Variants in PSD2 observed in about 807,000 individuals in gnomAD.
PSD2 encodes PH and SEC7 domain-containing protein 2.
A neutral mutation model predicts 69.8 loss-of-function variants in PSD2; 38 were observed. The observed-to-expected ratio is 0.54, with a 90% CI of 0.42 to 0.71. PSD2 has a LOEUF of 0.71. PSD2 is among the 30% of genes least tolerant of loss of function. The pLI, the probability that PSD2 is intolerant of heterozygous loss-of-function variation, is 0.00. For synonymous variants in PSD2, 412 were observed against 423.0 expected (o/e 0.97, Z 0.32); for missense variants, 943 against 1,014.5 (o/e 0.93, Z 0.96).
At chr5:139,833,815 T>C (rs1161568422) in intron 8 of PSD2, 24 bp downstream of exon 8, 16 of 1,541,438 alleles carry the variant, frequency 1.0e-5, no homozygotes, top group Non-Finnish European at 1.3e-5. Context: ...AGTGTCCCCA[T>C]CCCACTAGCT....
chr5:139,829,541 T>G (rs1359400824), intron 7 of PSD2, among the ~76,000 whole-genome samples: 1 of 152,246 alleles, frequency 6.6e-6, no homozygotes, highest in African/African-American at 2.4e-5. Flanking sequence ...GCTTTCTGTC[T>G]CTGTGAATTT....
the PSD2 span, among the ~76,000 whole-genome samples, chr5:139,769,273 C>T: frequency 2.0e-5 from 3 of 151,952 alleles, no homozygotes; most frequent in Admixed American, 1.3e-4. Flanking sequence ...GAGCAGGTGG[C>T]GGCGGGGGTT....
At chr5:139,777,908 T>C in the PSD2 span, among the ~76,000 whole-genome samples, 1 of 152,046 alleles carries the variant, frequency 6.6e-6, no homozygotes, top group East Asian at 1.9e-4. Flanking sequence ...AAAAAAGAAA[T>C]GTAGGAGCAT....
Position 139,837,736 on chromosome 5 carries a change from C to T in PSD2, c.1777C>T (p.Leu593=). Residue 593 remains leucine (L), a synonymous_variant, in exon 12 of 15, where the codon CTG becomes TTG. Transcript: ENST00000274710. The surrounding 1 kb of genome is among the most constrained non-coding windows in gnomAD (Gnocchi z 5.0). Reference sequence around the variant, plus strand: ...TGACTACAGCAAGAAGTCCAACGTGCTGAAGCTTAAGACAGCCGACTGGAG... The same window carrying T: ...TGACTACAGCAAGAAGTCCAACGTGTTGAAGCTTAAGACAGCCGACTGGAG... ...ASDYSKKSNV[L]KLKTADWRVF... 1 of 1,614,036 alleles carries T rather than the reference C, an allele frequency of 6.2e-7. No homozygotes were observed. Among genetic ancestry groups the T allele is most frequent in the Non-Finnish European group, 8.5e-7 (1 of 1,179,890 alleles).
At chr5:139,758,913 C>CGGGGTCCCCTTCTTGCCGCTGGG in the PSD2 span, among the ~76,000 whole-genome samples, 3 of 148,152 alleles carry the variant, frequency 2.0e-5, no homozygotes, top group African/African-American at 8.0e-5. Context: ...TGCCTTCGCC[C>CGGGGTCCCCTTCTTGCCGCTGGG]AGGGTCCCCT....
At chr5:139,745,617 C>T in the PSD2 span, among the ~76,000 whole-genome samples, 1 of 152,250 alleles carries the variant, frequency 6.6e-6, no homozygotes, top group Non-Finnish European at 1.5e-5. Flanking sequence ...CCCCCGTCCC[C>T]AAGAGTGACT....
At chr5:139,794,003 G>A (rs747701931), upstream of PSD2, among the ~76,000 whole-genome samples, 4 of 152,196 alleles carry the variant, frequency 2.6e-5, no homozygotes, top group Non-Finnish European at 4.4e-5. Flanking sequence ...CCTGCTGGTC[G>A]CCACCCTTCT....
At chr5:139,801,822 G>A (rs909120713) in intron 1 of PSD2, among the ~76,000 whole-genome samples, 2 of 152,088 alleles carry the variant, frequency 1.3e-5, no homozygotes. Context: ...CTTCTTGAGC[G>A]GCAACTCCAT....
chr5:139,752,884 G>A, the PSD2 span, among the ~76,000 whole-genome samples: 5,425 of 152,076 alleles, frequency 0.036, 143 homozygotes, highest in Middle Eastern at 0.065. Flanking sequence ...GCCCCTGCCC[G>A]CGTGGGCTGC....
rs768679692 is a variant in PSD2 at position 139,809,499 on chromosome 5, C to G, written c.59C>G (p.Pro20Arg). Residue 20 changes from proline to arginine, a missense_variant, in exon 2 of 15, where the codon CCC becomes CGC. This residue lies in a region of PSD2 where 466 missense variants were observed against 445.0 expected (regional missense o/e 1.05). Transcript: ENST00000274710. ...VPEEGDATRD[P>R]GPEPEEEPGV... Reference sequence around the variant, plus strand: ...GAGGAAGGCGATGCCACCCGTGACCCCGGTCCAGAGCCTGAAGAGGAGCCA... The same window carrying G: ...GAGGAAGGCGATGCCACCCGTGACCGCGGTCCAGAGCCTGAAGAGGAGCCA... The G allele has an allele frequency of 6.2e-7, 1 of 1,612,714 alleles. No individual in the cohort carries two copies. Among genetic ancestry groups the G allele is most frequent in the African/African-American group, 1.3e-5 (1 of 74,894 alleles).
intron 7 of PSD2, among the ~76,000 whole-genome samples, chr5:139,824,944 G>A (rs923781100): frequency 2.6e-5 from 4 of 152,184 alleles, no homozygotes; most frequent in African/African-American, 9.7e-5. Flanking sequence ...CAGAGCAGGA[G>A]GCAGTAAGGG....
chr5:139,821,780 TG>T, intron 5 of PSD2, 112 bp from the exon 6 acceptor site: 1 of 585,946 alleles, frequency 1.7e-6, no homozygotes. Flanking sequence ...ACCCAGAGAG[TG>T]GGGCACTGGA....
the PSD2 span, among the ~76,000 whole-genome samples, chr5:139,768,215 A>T: frequency 6.6e-6 from 1 of 152,210 alleles, no homozygotes; most frequent in Non-Finnish European, 1.5e-5. Flanking sequence ...GGGGAGGAAG[A>T]GGAGGGAGAA....
At chr5:139,777,195 T>C in the PSD2 span, among the ~76,000 whole-genome samples, 2 of 152,238 alleles carry the variant, frequency 1.3e-5, no homozygotes, top group Non-Finnish European at 2.9e-5. Context: ...AACCCTCCAC[T>C]GGGTATACCC....
At chr5:139,796,585 GCGGGA>G (rs1759535423) in intron 1 of PSD2, among the ~76,000 whole-genome samples, 1 of 152,246 alleles carries the variant, frequency 6.6e-6, no homozygotes, top group Non-Finnish European at 1.5e-5. Context: ...CGAGGCGGCA[GCGGGA>G]GGGAGGGGTC....
the PSD2 span, among the ~76,000 whole-genome samples, chr5:139,766,922 TTCCTTCCC>T: frequency 0.11 from 3,959 of 35,188 alleles, 561 homozygotes; most frequent in Admixed American, 0.16. Flanking sequence ...CCTTCCTTCC[TTCCTTCCC>T]TTCTTTCTTT....
chr5:139,797,652 G>C lies in PSD2; in HGVS notation c.-51+1677G>C, dbSNP rs537194657. Among the ~76,000 whole-genome samples, 6 of 152,286 alleles carry C rather than the reference G, an allele frequency of 3.9e-5. No individual in the cohort carries two copies. In the East Asian group the frequency reaches 7.7e-4, roughly 20 times the overall value. On this transcript the variant is annotated intron_variant, in intron 1 of 14. Coordinates refer to ENST00000274710, the MANE Select transcript of PSD2 (RefSeq NM_032289.4). ...GGACTGAGAGAGAGAGTGTGGCTGG[G>C]GGGTATTACCTCACCTAGCTTCCAC...
the PSD2 span, among the ~76,000 whole-genome samples, chr5:139,779,263 CT>C: frequency 6.6e-6 from 1 of 152,196 alleles, no homozygotes; most frequent in African/African-American, 2.4e-5. Context: ...AATTTGTGGT[CT>C]TTTGGCTGTC....
chr5:139,813,080 C>T (rs1383983938), intron 2 of PSD2, among the ~76,000 whole-genome samples: 1 of 152,162 alleles, frequency 6.6e-6, no homozygotes, highest in African/African-American at 2.4e-5. Flanking sequence ...CTTGAGATGG[C>T]GAGGCTGGGG....
Sources: gnomAD v4.1 joint callset for allele counts (sites outside exome capture counted in the v4.1 genomes callset) on GRCh38, gnomAD v4.1.1 for gene constraint, gnomAD v4.1.1 regional missense constraint, Gnocchi (gnomAD v3.1) non-coding constraint, MANE v1.5 for transcripts, NCBI Gene and HGNC (gene_info 2026-07-23, HGNC 2026-07-21) for gene names.